Variants in CDH6 observed in about 807,000 individuals in gnomAD.
CDH6 encodes the protein cadherin 6, also known as cadherin-6.
Under a neutral mutation model 78.0 loss-of-function variants are expected in CDH6, and 31 were observed. That is an observed-to-expected ratio of 0.40 (90% CI 0.30 to 0.54). The LOEUF is 0.54. Ranked by LOEUF, CDH6 falls within the 20% of genes least tolerant of loss-of-function variation. The pLI is 0.56. For synonymous variants in CDH6, 376 were observed against 368.8 expected (o/e 1.02, Z -0.23); for missense variants, 724 against 975.9 (o/e 0.74, Z 3.44).
chr5:31,287,276 T>TA (rs1743037287), intron 2 of CDH6, among the ~76,000 whole-genome samples: 1 of 152,148 alleles, frequency 6.6e-6, no homozygotes, highest in Non-Finnish European at 1.5e-5. Context: ...GAGGCAAAGT[T>TA]AATCATTTCC....
chr5:31,287,781 G>A (rs1743048911), intron 2 of CDH6, among the ~76,000 whole-genome samples: 2 of 152,200 alleles, frequency 1.3e-5, no homozygotes, highest in South Asian at 4.1e-4. Context: ...CTGGAGGTAG[G>A]TGGGGCCAGA....
intron 1 of CDH6, among the ~76,000 whole-genome samples, chr5:31,231,277 T>G (rs1435553359): frequency 1.3e-5 from 2 of 152,224 alleles, no homozygotes; most frequent in East Asian, 3.8e-4. Flanking sequence ...AGAAAAAGAC[T>G]GGCCTGAAAT....
chr5:31,220,372 A>ACATT (rs1740973754), intron 1 of CDH6, among the ~76,000 whole-genome samples: 1 of 152,210 alleles, frequency 6.6e-6, no homozygotes, highest in Admixed American at 6.5e-5. Flanking sequence ...CTTCATAAGC[A>ACATT]CATTATACTG....
At chr5:31,289,259 A>T (rs1743093250) in intron 2 of CDH6, among the ~76,000 whole-genome samples, 1 of 152,194 alleles carries the variant, frequency 6.6e-6, no homozygotes, top group African/African-American at 2.4e-5. Flanking sequence ...ATTTAGGATA[A>T]TGGCCTCCAG....
At chr5:31,272,072 G>C (rs1358388168) in intron 2 of CDH6, among the ~76,000 whole-genome samples, 1 of 152,184 alleles carries the variant, frequency 6.6e-6, no homozygotes, top group Non-Finnish European at 1.5e-5. Flanking sequence ...AAAAGGAGAA[G>C]AGCCAACCAG....
intron 1 of CDH6, among the ~76,000 whole-genome samples, chr5:31,237,834 C>T (rs1389755462): frequency 6.6e-6 from 1 of 152,188 alleles, no homozygotes; most frequent in Non-Finnish European, 1.5e-5. Context: ...CTGTATTATG[C>T]ATTGTGCAAA....
intron 1 of CDH6, among the ~76,000 whole-genome samples, chr5:31,232,869 A>G (rs1275224308): frequency 6.6e-6 from 1 of 152,202 alleles, no homozygotes; most frequent in Non-Finnish European, 1.5e-5. Flanking sequence ...CCATATATTA[A>G]TTCATTTCAT....
At chr5:31,238,774 G>A (rs1741520369) in intron 1 of CDH6, among the ~76,000 whole-genome samples, 1 of 152,184 alleles carries the variant, frequency 6.6e-6, no homozygotes, top group Non-Finnish European at 1.5e-5. Flanking sequence ...GTAGCTAATA[G>A]CTACTGAACT....
chr5:31,212,595 TTAAG>T (rs1386083069), intron 1 of CDH6, among the ~76,000 whole-genome samples: 1 of 152,160 alleles, frequency 6.6e-6, no homozygotes, highest in Non-Finnish European at 1.5e-5. Flanking sequence ...GCAGCCAAAA[TTAAG>T]TAAGAATGGG....
At position 31,324,916 on chromosome 5, in the gene CDH6, G is replaced by A. The variant is rs184571502; in HGVS notation, c.*1608G>A. ...CCTTGTTTTGAAAACCTAAAAGACAGGCTCTGTATATATATATACTTAAGA... is the reference window on the plus strand; with the variant it reads ...CCTTGTTTTGAAAACCTAAAAGACAAGCTCTGTATATATATATACTTAAGA... On this transcript the variant is annotated 3_prime_UTR_variant, in exon 12 of 12. Transcript: ENST00000265071. 2.6e-4 allele frequency: 51 copies of A among 199,242 alleles called. No individual in the cohort carries two copies. Among genetic ancestry groups the A allele is most frequent in the African/African-American group, 1.1e-3 (50 of 43,584 alleles). The allele number at this position is 199,242 out of a possible 1,614,324, so 12.3% of individuals were successfully genotyped here.
At chr5:31,259,387 G>T (rs1444640448) in intron 1 of CDH6, among the ~76,000 whole-genome samples, 1 of 152,154 alleles carries the variant, frequency 6.6e-6, no homozygotes, top group Non-Finnish European at 1.5e-5. Context: ...TTCATCTCCT[G>T]CAGGCCCAGA....
At chr5:31,284,594 G>T (rs906985723) in intron 2 of CDH6, among the ~76,000 whole-genome samples, 1 of 152,194 alleles carries the variant, frequency 6.6e-6, no homozygotes, top group African/African-American at 2.4e-5. Context: ...TCCAGTAGAA[G>T]GACAAAGAAA....
Position 31,302,076 on chromosome 5 carries a change from CTA to C in CDH6, c.812-33_812-32del, listed in dbSNP as rs562359180. ...TTATGATGATAAGAGTGTGGTTAGTCTATGTTTGACTTATATCTGTCTGGTGA... is the reference window on the plus strand; with the variant it reads ...TTATGATGATAAGAGTGTGGTTAGTCTGTTTGACTTATATCTGTCTGGTGA... On this transcript the variant is annotated intron_variant, in intron 5 of 11. Coordinates refer to ENST00000265071, the MANE Select transcript of CDH6 (RefSeq NM_004932.4). The C allele has an allele frequency of 9.6e-5, 140 of 1,455,172 alleles. No homozygotes were observed. In the South Asian group the frequency reaches 1.7e-3, roughly 17 times the overall value. 90.1% of individuals were successfully genotyped at this position (1,455,172 alleles called of 1,614,324 possible). A position where few individuals can be genotyped will look rare whatever the true frequency, so the allele number is the denominator to read the frequency against.
intron 1 of CDH6, chr5:31,249,730 T>G (rs1479833008): frequency 2.0e-5 from 3 of 152,234 alleles, no homozygotes; most frequent in Non-Finnish European, 4.4e-5. Flanking sequence ...AAAGGCTAAA[T>G]TCAGAAGGTA....
At chr5:31,287,196 T>C (rs1743034528) in intron 2 of CDH6, among the ~76,000 whole-genome samples, 1 of 151,968 alleles carries the variant, frequency 6.6e-6, no homozygotes, top group African/African-American at 2.4e-5. Context: ...GGGGAGAGCA[T>C]GTGAAAGGAG....
At chr5:31,258,529 C>G (rs569324752) in intron 1 of CDH6, among the ~76,000 whole-genome samples, 1 of 152,112 alleles carries the variant, frequency 6.6e-6, no homozygotes, top group South Asian at 2.1e-4. Context: ...GGAGAAATAC[C>G]TAATGTAGAT....
At chr5:31,302,845 A>G (rs1737834066) in intron 6 of CDH6, among the ~76,000 whole-genome samples, 5 of 147,950 alleles carry the variant, frequency 3.4e-5, no homozygotes, top group South Asian at 2.2e-4. Flanking sequence ...AGAAAGAAAG[A>G]AAGAAAGAGA....
chr5:31,318,965 T>C (rs1566618), intron 11 of CDH6: 109,857 of 218,310 alleles, frequency 0.5, 28,285 homozygotes, highest in East Asian at 0.55. Flanking sequence ...GAACTGCGAT[T>C]CTCTTTGTCA....
At chr5:31,225,413 A>C (rs1246068371) in intron 1 of CDH6, among the ~76,000 whole-genome samples, 1 of 152,180 alleles carries the variant, frequency 6.6e-6, no homozygotes, top group Non-Finnish European at 1.5e-5. Flanking sequence ...TGTATTAGTC[A>C]TTCCCGCATT....
Sources: allele counts gnomAD v4.1 joint callset (sites outside exome capture counted in the v4.1 genomes callset), GRCh38; gene constraint gnomAD v4.1.1; transcripts MANE v1.5; gene names NCBI Gene and HGNC (gene_info 2026-07-23, HGNC 2026-07-21).